IL1RAPL1: variants seen among roughly 807,000 people sequenced by gnomAD.
The protein encoded by IL1RAPL1 is interleukin 1 receptor accessory protein like 1.
IL1RAPL1 carries 3 observed loss-of-function variants against 48.4 expected under a neutral mutation model. The ratio of observed to expected loss-of-function variants is 0.06; its 90% CI spans 0.03 to 0.16. IL1RAPL1 has a LOEUF of 0.16. Ranked by LOEUF, IL1RAPL1 falls within the 10% of genes least tolerant of loss-of-function variation. The probability of loss-of-function intolerance (pLI) is 1.00; values close to 1 mark genes in which losing one functional copy is unlikely to be tolerated. For missense variants in IL1RAPL1, 349 were observed against 530.6 expected (o/e 0.66, Z 3.36); for synonymous variants, 185 against 187.7 (o/e 0.99, Z 0.12).
chrX:29,319,541 T>G (rs1932788522), intron 3 of IL1RAPL1, among the ~76,000 whole-genome samples: 1 of 80,836 alleles, frequency 1.2e-5, no homozygotes, highest in African/African-American at 4.2e-5. Context: ...TATGTATGTA[T>G]GTATGTATGT....
intron 2 of IL1RAPL1, among the ~76,000 whole-genome samples, chrX:29,235,502 A>T (rs1256850754): frequency 2.7e-5 from 3 of 110,574 alleles, no homozygotes; most frequent in Non-Finnish European, 5.7e-5. Context: ...TTCATTCTTT[A>T]AAAAAAAGGT....
intron 6 of IL1RAPL1, among the ~76,000 whole-genome samples, chrX:29,717,139 T>A (rs186791403): frequency 1.9e-4 from 21 of 108,413 alleles, no homozygotes; most frequent in Non-Finnish European, 7.6e-5. Context: ...TCATACCTAC[T>A]GAGAATAAAT....
chrX:29,493,573 A>T (rs750305514), intron 5 of IL1RAPL1, among the ~76,000 whole-genome samples: 3 of 112,153 alleles, frequency 2.7e-5, no homozygotes, highest in Non-Finnish European at 5.6e-5. Flanking sequence ...AATACTTAAT[A>T]ATCCACCCAG....
intron 2 of IL1RAPL1, among the ~76,000 whole-genome samples, chrX:28,950,086 G>A (rs1255469999): frequency 5.8e-5 from 6 of 104,273 alleles, no homozygotes; most frequent in African/African-American, 2.1e-4. Context: ...TAACGTTTAA[G>A]TCTTTAATCC....
At chrX:29,756,368 T>C (rs1390562534) in intron 6 of IL1RAPL1, among the ~76,000 whole-genome samples, 3 of 111,946 alleles carry the variant, frequency 2.7e-5, no homozygotes, top group African/African-American at 9.7e-5. Flanking sequence ...TTTTTTATTT[T>C]GCAGATTATT....
chrX:28,851,245 A>AT (rs1432489458), intron 2 of IL1RAPL1, among the ~76,000 whole-genome samples: 1 of 109,432 alleles, frequency 9.1e-6, no homozygotes, highest in Non-Finnish European at 1.9e-5. Flanking sequence ...CCTGCATATC[A>AT]TTTTGGCATG....
chrX:29,223,547 C>CTT (rs770246198), intron 2 of IL1RAPL1, among the ~76,000 whole-genome samples: 1 of 100,288 alleles, frequency 1.0e-5, no homozygotes. Flanking sequence ...CATTTTATTA[C>CTT]TTTTTTTTTT....
At chrX:29,828,076 C>T (rs1285345710) in intron 6 of IL1RAPL1, among the ~76,000 whole-genome samples, 3 of 111,502 alleles carry the variant, frequency 2.7e-5, no homozygotes, top group Non-Finnish European at 5.6e-5. Flanking sequence ...ATAAATGATT[C>T]CAGACAAAGG....
At chrX:28,901,643 G>T (rs953091684) in intron 2 of IL1RAPL1, among the ~76,000 whole-genome samples, 14 of 111,842 alleles carry the variant, frequency 1.3e-4, no homozygotes, top group South Asian at 3.7e-4. Flanking sequence ...TCTAAGAGAT[G>T]GCAGAAACTA....
intron 1 of IL1RAPL1, among the ~76,000 whole-genome samples, chrX:28,598,082 A>G (rs955703710): frequency 8.9e-6 from 1 of 112,504 alleles, no homozygotes; most frequent in African/African-American, 3.2e-5. Flanking sequence ...TATATAATGT[A>G]ATGCCAAGGT....
chrX:29,906,793 A>T (rs895482718), intron 6 of IL1RAPL1, among the ~76,000 whole-genome samples: 1 of 109,502 alleles, frequency 9.1e-6, no homozygotes, highest in Non-Finnish European at 1.9e-5. Context: ...GCATGAAAAA[A>T]TCACCTGAGG....
At chrX:29,293,281 A>ATT (rs766351004) in intron 3 of IL1RAPL1, among the ~76,000 whole-genome samples, 26 of 96,669 alleles carry the variant, frequency 2.7e-4, no homozygotes, top group Middle Eastern at 5.3e-3. Context: ...AAAACAGCCT[A>ATT]TTTTTTTTTT....
chrX:29,396,068 T>G (rs1338317990), intron 3 of IL1RAPL1, among the ~76,000 whole-genome samples, 190 bp from the exon 4 acceptor site: 2 of 112,728 alleles, frequency 1.8e-5, no homozygotes, highest in Non-Finnish European at 3.8e-5. Flanking sequence ...AAATATACAT[T>G]TAGCTTCACA....
chrX:29,129,702 C>T (rs1381507271), intron 2 of IL1RAPL1, among the ~76,000 whole-genome samples: 1 of 101,566 alleles, frequency 9.8e-6, no homozygotes, highest in Non-Finnish European at 1.9e-5. Context: ...TCACGCCATT[C>T]TGCTGCCTCA....
At chrX:29,664,360 C>T (rs916189640) in intron 5 of IL1RAPL1, among the ~76,000 whole-genome samples, 131 of 101,410 alleles carry the variant, frequency 1.3e-3, no homozygotes, top group Middle Eastern at 5.0e-3. Context: ...GCGGAGATCG[C>T]GCCACTGCAC....
At chrX:29,543,142 T>TCTCC (rs1921499131) in intron 5 of IL1RAPL1, among the ~76,000 whole-genome samples, 1 of 109,072 alleles carries the variant, frequency 9.2e-6, no homozygotes, top group African/African-American at 3.4e-5. Context: ...TCTCTCTCTC[T>TCTCC]CTCTCTCAGC....
chrX:29,042,006 A>G (rs1455174694), intron 2 of IL1RAPL1, among the ~76,000 whole-genome samples: 1 of 111,859 alleles, frequency 8.9e-6, no homozygotes, highest in Admixed American at 9.5e-5. Context: ...CTGGGACAGT[A>G]TCAGAAATGA....
chrX:28,627,292 T>A (rs1484050651), intron 1 of IL1RAPL1, among the ~76,000 whole-genome samples: 1 of 111,840 alleles, frequency 8.9e-6, no homozygotes, highest in African/African-American at 3.3e-5. Flanking sequence ...TAATTTTGAG[T>A]CTTGAAAACC....
In IL1RAPL1 at chrX:29,021,385, C is replaced by G. The variant is rs146017171; in HGVS notation, c.82+231960C>G. ...AGCTGGCCCTTTAGTGGTATCAGGTCTGTGACTGATATGTCACAAGTTGAT... is the reference window on the plus strand; with the variant it reads ...AGCTGGCCCTTTAGTGGTATCAGGTGTGTGACTGATATGTCACAAGTTGAT... On this transcript the variant is annotated intron_variant, in intron 2 of 10. Transcript: ENST00000378993. 3.6e-3 allele frequency among the ~76,000 whole-genome samples: 394 copies of G among 110,640 alleles called. 3 individuals are homozygous for G. The highest frequency in any genetic ancestry group is 0.012 in the African/African-American group (379 of 30,536).
Sources: gnomAD v4.1 joint callset for allele counts (sites outside exome capture counted in the v4.1 genomes callset) on GRCh38, gnomAD v4.1.1 for gene constraint, MANE v1.5 for transcripts, NCBI Gene and HGNC (gene_info 2026-07-23, HGNC 2026-07-21) for gene names.